GPR139: variants seen among roughly 807,000 people sequenced by gnomAD.
The protein encoded by GPR139 is G protein-coupled receptor 139.
GPR139 carries 12 observed loss-of-function variants against 25.8 expected under a neutral mutation model. That is an observed-to-expected ratio of 0.47 (90% CI 0.30 to 0.75). GPR139 has a LOEUF of 0.75. GPR139 is among the 30% of genes least tolerant of loss of function. GPR139 has a pLI of 0.07. For synonymous variants in GPR139, 184 were observed against 179.9 expected (o/e 1.02, Z -0.18); for missense variants, 380 against 450.2 (o/e 0.84, Z 1.41).
At chr16:20,040,627 G>C (rs1446045558) in intron 1 of GPR139, among the ~76,000 whole-genome samples, 4 of 152,056 alleles carry the variant, frequency 2.6e-5, no homozygotes, top group African/African-American at 9.7e-5. Context: ...TAGAAATCCT[G>C]GTTTAAAGGG....
intron 1 of GPR139, among the ~76,000 whole-genome samples, chr16:20,036,691 A>G (rs750705693): frequency 1.3e-5 from 2 of 152,222 alleles, no homozygotes; most frequent in African/African-American, 2.4e-5. Flanking sequence ...GGTCCCTCCT[A>G]TGATACATGG....
At position 20,073,548 on chromosome 16, in the gene GPR139, G is replaced by A. The variant is rs568710975; in HGVS notation, c.69C>T (p.Cys23=). 3.1e-6 allele frequency: 5 copies of A among 1,602,684 alleles called. No homozygotes were observed. In the East Asian group the frequency reaches 6.8e-5, roughly 22 times the overall value. The stretch of plus-strand genomic sequence containing the variant: ...AGACCACGGGCACGAAACCCAAGCC[G>A]CAGGCCGAGCCGGGGGACCACCAAG... ...SLSWWSPGSA[C]GLGFVPVVYY... The change falls in exon 1 of 2, where the codon TGC becomes TGT. Residue 23 remains cysteine, a synonymous_variant. Coordinates refer to ENST00000570682, the MANE Select transcript of GPR139 (RefSeq NM_001002911.4). This position sits in a 1 kb window ranked among gnomAD's most constrained non-coding sequence, Gnocchi z 4.7.
At chr16:20,066,364 C>A (rs761846283) in intron 1 of GPR139, among the ~76,000 whole-genome samples, 8 of 152,230 alleles carry the variant, frequency 5.3e-5, no homozygotes, top group Non-Finnish European at 1.0e-4. Context: ...AGCTGAAGGC[C>A]ATTTCATGTT....
intron 1 of GPR139, among the ~76,000 whole-genome samples, chr16:20,070,398 G>C (rs2141217008): frequency 6.6e-6 from 1 of 152,304 alleles, no homozygotes; most frequent in Non-Finnish European, 1.5e-5. Context: ...TGGGTAAGAG[G>C]TACTACTGTT....
rs548525470 is a variant in GPR139 at position 20,029,141 on chromosome 16, T to C, written c.*2594A>G. Reference sequence around the variant, plus strand: ...CAATTCACTACAGTGCCTTCAAGAATTGGACCTCTTTTAAATATCATGTAG... The same window carrying C: ...CAATTCACTACAGTGCCTTCAAGAACTGGACCTCTTTTAAATATCATGTAG... On this transcript the variant is annotated 3_prime_UTR_variant, in exon 2 of 2. Coordinates refer to ENST00000570682, the MANE Select transcript of GPR139 (RefSeq NM_001002911.4). 3.9e-5 allele frequency among the ~76,000 whole-genome samples: 6 copies of C among 152,306 alleles called. No individual in the cohort carries two copies. In the East Asian group the frequency reaches 1.2e-3, roughly 29 times the overall value.
intron 1 of GPR139, among the ~76,000 whole-genome samples, chr16:20,051,582 A>G (rs376111076): frequency 2.0e-5 from 3 of 152,266 alleles, no homozygotes; most frequent in African/African-American, 7.2e-5. Context: ...GTGGTTGGAG[A>G]AATTGTTTTT....
At chr16:20,033,571 G>A (rs115392045) in intron 1 of GPR139, among the ~76,000 whole-genome samples, 2,721 of 152,270 alleles carry the variant, frequency 0.018, 79 homozygotes, top group African/African-American at 0.061. Context: ...CCTCTTCAGA[G>A]CTTGGATTTT....
intron 1 of GPR139, among the ~76,000 whole-genome samples, chr16:20,032,981 A>G (rs756298958): frequency 2.8e-4 from 43 of 151,698 alleles, no homozygotes; most frequent in Non-Finnish European, 5.6e-4. Context: ...TCCTCACACA[A>G]CCATGAGTGG....
intron 1 of GPR139, among the ~76,000 whole-genome samples, chr16:20,061,526 A>G (rs973572272): frequency 2.6e-5 from 4 of 152,174 alleles, no homozygotes; most frequent in African/African-American, 9.7e-5. Context: ...GTGCTCTCTG[A>G]TTTCTCTTCT....
Position 20,028,654 on chromosome 16 carries a change from C to T in GPR139, c.*3081G>A, listed in dbSNP as rs1252641572. ...TTTGCAACACACAAGTTCGTGCCCA[C>T]TCCGGTCTGTCTTTTATGGTTTGTC... On this transcript the variant is annotated 3_prime_UTR_variant, in exon 2 of 2. Coordinates refer to ENST00000570682, the MANE Select transcript of GPR139 (RefSeq NM_001002911.4). 6.6e-6 allele frequency among the ~76,000 whole-genome samples: 1 copy of T among 152,188 alleles called. No homozygotes were observed.
chr16:20,043,079 G>C (rs903530641), intron 1 of GPR139, among the ~76,000 whole-genome samples: 2 of 152,308 alleles, frequency 1.3e-5, no homozygotes, highest in East Asian at 3.9e-4. Flanking sequence ...GACCGAGCAA[G>C]TCTCCTCCTT....
rs138231258 is a variant in GPR139, at chr16:20,052,099, C to T, written c.128-19430G>A. Among the ~76,000 whole-genome samples, 12 of 152,304 alleles carry T rather than the reference C, an allele frequency of 7.9e-5. No individual in the cohort carries two copies. The East Asian group carries it at 2.3e-3, about 29-fold the overall frequency. ...CTGAAAGAAACCACGGTCTTTCAAG[C>T]TCCCTAAACAAACCACACTCACTCC... On this transcript the variant is annotated intron_variant, in intron 1 of 1. Coordinates refer to ENST00000570682, the MANE Select transcript of GPR139 (RefSeq NM_001002911.4).
intron 1 of GPR139, among the ~76,000 whole-genome samples, chr16:20,043,588 A>AG (rs2057343952): frequency 6.6e-6 from 1 of 152,234 alleles, no homozygotes; most frequent in African/African-American, 2.4e-5. Context: ...GTTGATTAAA[A>AG]TGGCAGTGCA....
chr16:20,028,902 G>A lies in GPR139; in HGVS notation c.*2833C>T, dbSNP rs1039061154. 1.3e-5 allele frequency among the ~76,000 whole-genome samples: 2 copies of A among 152,076 alleles called. No homozygotes were observed. Among genetic ancestry groups the A allele is most frequent in the African/African-American group, 4.8e-5 (2 of 41,406 alleles). On this transcript the variant is annotated 3_prime_UTR_variant, in exon 2 of 2. Transcript: ENST00000570682. ...CCAGCAGCAGCCATTTACATGACAGGCTTCAAAGTTCAAGGCTTTATTGTC... is the reference window on the plus strand; with the variant it reads ...CCAGCAGCAGCCATTTACATGACAGACTTCAAAGTTCAAGGCTTTATTGTC...
intron 1 of GPR139, among the ~76,000 whole-genome samples, chr16:20,050,074 C>G (rs899279691): frequency 3.9e-5 from 6 of 152,182 alleles, no homozygotes; most frequent in Admixed American, 2.6e-4. Context: ...CCTGGAGGCT[C>G]TAGCCTGGCA....
chr16:20,042,323 G>C lies in GPR139; in HGVS notation c.128-9654C>G, dbSNP rs575102755. 2.6e-5 allele frequency among the ~76,000 whole-genome samples: 4 copies of C among 152,252 alleles called. No homozygotes were observed. In the East Asian group the frequency reaches 7.7e-4, roughly 29 times the overall value. On this transcript the variant is annotated intron_variant, in intron 1 of 1. Transcript: ENST00000570682. ...AATTACTGAGCATCTCCTAGAGGCGGGAATCTGCACTAGAAGCAAAGATGA... is the reference window on the plus strand; with the variant it reads ...AATTACTGAGCATCTCCTAGAGGCGCGAATCTGCACTAGAAGCAAAGATGA...
In GPR139 at chr16:20,029,486, T is replaced by TAAATAA. The variant is rs76533933; in HGVS notation, c.*2248_*2249insTTATTT. Among the ~76,000 whole-genome samples the TAAATAA allele has an allele frequency of 0.62, 73,892 of 119,894 alleles. 19,502 individuals carry two copies. The highest frequency in any genetic ancestry group is 0.67 in the Non-Finnish European group (39,623 of 59,434). 78.7% of individuals were successfully genotyped at this position (119,894 alleles called of 152,430 possible). A position where few individuals can be genotyped will look rare whatever the true frequency, so the allele number is the denominator to read the frequency against. On this transcript the variant is annotated 3_prime_UTR_variant, in exon 2 of 2. Coordinates refer to ENST00000570682, the MANE Select transcript of GPR139 (RefSeq NM_001002911.4). ...CATGTTTAAAAAATAAATAAATAAATATATATATATATATATATTCAGTAT... is the reference window on the plus strand; with the variant it reads ...CATGTTTAAAAAATAAATAAATAAATAAATAAATATATATATATATATATTCAGTAT...
intron 1 of GPR139, among the ~76,000 whole-genome samples, chr16:20,047,754 A>G (rs961163810): frequency 6.6e-6 from 1 of 152,164 alleles, no homozygotes; most frequent in African/African-American, 2.4e-5. Context: ...GGCAGAGTAC[A>G]AATTCTGGAG....
At position 20,073,442 on chromosome 16, in the gene GPR139, C is replaced by G. The variant is rs375162772; in HGVS notation, c.127+48G>C. ...ACGGGGGATTCTGGGTAGGGTTGCC[C>G]GGCACTTGGGGTTCCTGGCTTCCCT... On this transcript the variant is annotated intron_variant, in intron 1 of 1. Transcript: ENST00000570682. The surrounding 1 kb of genome is among the most constrained non-coding windows in gnomAD (Gnocchi z 4.7). 9 of 1,593,442 alleles carry G rather than the reference C, an allele frequency of 5.6e-6. No homozygotes were observed. In the South Asian group the frequency reaches 1.0e-4, roughly 18 times the overall value.
Sources: allele counts gnomAD v4.1 joint callset (sites outside exome capture counted in the v4.1 genomes callset), GRCh38; gene constraint gnomAD v4.1.1; non-coding constraint Gnocchi (gnomAD v3.1); transcripts MANE v1.5; gene names NCBI Gene and HGNC (gene_info 2026-07-23, HGNC 2026-07-21).